Variants in PRKX observed in about 807,000 individuals in gnomAD.
PRKX encodes protein kinase cAMP-dependent X-linked catalytic subunit.
PRKX carries 12 observed loss-of-function variants against 22.0 expected under a neutral mutation model. That is an observed-to-expected ratio of 0.54 (90% confidence interval 0.35 to 0.88). The LOEUF (loss-of-function observed/expected upper bound fraction) is 0.88. Ranked by LOEUF, PRKX falls within the 40% of genes least tolerant of loss-of-function variation. PRKX has a pLI of 0.01. For synonymous variants in PRKX, 134 were observed against 137.7 expected (o/e 0.97, Z 0.19); for missense variants, 217 against 308.0 (o/e 0.70, Z 2.21).
chrX:3,605,750 G>T lies in PRKX; in HGVS notation c.*3219C>A, dbSNP rs879089901. The stretch of plus-strand genomic sequence containing the variant: ...ATGGGAAATTCAGTAACAAGTGATT[G>T]TGCAGTTGTTTGATGGGCATGGAGA... On this transcript the variant is annotated 3_prime_UTR_variant, in exon 9 of 9. Transcript: ENST00000262848. 1 of 112,297 alleles carries T rather than the reference G, an allele frequency of 8.9e-6. No individual in the cohort carries two copies. The highest frequency in any genetic ancestry group is 3.2e-5 in the African/African-American group (1 of 30,891). 9.3% of individuals were successfully genotyped at this position (112,297 alleles called of 1,213,427 possible).
At chrX:3,610,551 T>C (rs892759936) in intron 8 of PRKX, among the ~76,000 whole-genome samples, 3 of 110,923 alleles carry the variant, frequency 2.7e-5, no homozygotes, top group Non-Finnish European at 5.7e-5. Flanking sequence ...TGATTCCACT[T>C]AGCAAAAATA....
At position 3,621,294 on chromosome X, in the gene PRKX, C is replaced by T. The variant is rs1305783160; in HGVS notation, c.838G>A (p.Val280Met). The T allele has an allele frequency of 8.3e-7, 1 of 1,206,555 alleles. No individual in the cohort carries two copies. The highest frequency in any genetic ancestry group is 1.1e-6 in the Non-Finnish European group (1 of 893,125). Reference protein sequence around the residue: ...HVKDLIKKLLVVDRTRRLGNM... With the variant: ...HVKDLIKKLLMVDRTRRLGNM... ...CCTAATCGCCTTGTTCTGTCAACCA[C>T]GAGCAGTTTCTTAATGAGGTCTCTA... Residue 280 changes from valine to methionine, a missense_variant, in exon 6 of 9, where the codon GTG becomes ATG. Transcript: ENST00000262848.
chrX:3,684,679 C>T (rs7060416), intron 1 of PRKX, among the ~76,000 whole-genome samples: 2 of 110,908 alleles, frequency 1.8e-5, no homozygotes, highest in Non-Finnish European at 3.8e-5. Context: ...GGCTGGAAGT[C>T]GGAGACCCAG....
chrX:3,669,629 A>G (rs1001308385), intron 2 of PRKX, among the ~76,000 whole-genome samples: 1 of 112,053 alleles, frequency 8.9e-6, no homozygotes, highest in Non-Finnish European at 1.9e-5. Context: ...CTCTGCCTAC[A>G]TGCAATCGGT....
At chrX:3,630,432 C>A (rs7884528) in intron 4 of PRKX, among the ~76,000 whole-genome samples, 45,890 of 109,683 alleles carry the variant, frequency 0.42, 7,123 homozygotes, top group African/African-American at 0.52. Context: ...TGGTGGCGGG[C>A]GCCTGTAATC....
intron 1 of PRKX, among the ~76,000 whole-genome samples, chrX:3,711,727 C>G (rs1348187891): frequency 1.8e-5 from 2 of 110,114 alleles, no homozygotes; most frequent in African/African-American, 6.6e-5. Flanking sequence ...CCGGGGGGAC[C>G]AAGACAAGGG....
chrX:3,684,166 C>T (rs746190665), intron 1 of PRKX, among the ~76,000 whole-genome samples: 19 of 110,455 alleles, frequency 1.7e-4, no homozygotes, highest in African/African-American at 3.6e-4. Flanking sequence ...ACAGGAGAAT[C>T]GCTTGAACCC....
intron 1 of PRKX, among the ~76,000 whole-genome samples, chrX:3,682,134 G>A (rs1323571332): frequency 3.6e-5 from 4 of 110,634 alleles, no homozygotes; most frequent in Non-Finnish European, 7.6e-5. Context: ...GATGGGGTCA[G>A]GAAGGTGACG....
At chrX:3,653,343 C>T (rs183486882) in intron 3 of PRKX, among the ~76,000 whole-genome samples, 58 of 110,015 alleles carry the variant, frequency 5.3e-4, no homozygotes, top group African/African-American at 1.6e-3. Flanking sequence ...TGTCGCACCT[C>T]GATCTCGGAC....
intron 2 of PRKX, among the ~76,000 whole-genome samples, chrX:3,668,890 G>T (rs975574280): frequency 1.8e-5 from 2 of 112,641 alleles, no homozygotes; most frequent in Admixed American, 9.4e-5. Context: ...GCTACAGTGG[G>T]TGTCAATGGA....
intron 2 of PRKX, among the ~76,000 whole-genome samples, chrX:3,664,981 T>C (rs776161794): frequency 1.8e-5 from 2 of 112,224 alleles, no homozygotes; most frequent in South Asian, 3.6e-4. Flanking sequence ...AACAACACAA[T>C]AATAATACAA....
intron 1 of PRKX, among the ~76,000 whole-genome samples, chrX:3,681,374 G>A (rs1472455030): frequency 9.2e-6 from 1 of 108,896 alleles, no homozygotes; most frequent in Non-Finnish European, 1.9e-5. Context: ...GAAATAGGCC[G>A]GGCACAGTAG....
chrX:3,627,254 C>G (rs1320474912), intron 4 of PRKX, among the ~76,000 whole-genome samples: 2 of 108,885 alleles, frequency 1.8e-5, no homozygotes, highest in Admixed American at 9.9e-5. Context: ...TGGTGGCACG[C>G]GTCCGTAATC....
Position 3,632,302 on chromosome X carries a change from A to G in PRKX, c.720-5788T>C, listed in dbSNP as rs149378041. ...AAAAACCACCCAGGCCAGGCTGGGAAGCAGAGCTCTGAGTACAGACACTCA... is the reference window on the plus strand; with the variant it reads ...AAAAACCACCCAGGCCAGGCTGGGAGGCAGAGCTCTGAGTACAGACACTCA... On this transcript the variant is annotated intron_variant, in intron 4 of 8. Transcript: ENST00000262848. Among the ~76,000 whole-genome samples the G allele has an allele frequency of 5.8e-3, 644 of 111,421 alleles. 1 individual carries two copies. The highest frequency in any genetic ancestry group is 0.02 in the African/African-American group (609 of 30,667).
At chrX:3,641,330 C>T (rs1490821898) in intron 4 of PRKX, 2 of 114,237 alleles carry the variant, frequency 1.8e-5, no homozygotes, top group African/African-American at 6.5e-5. Context: ...AACCACTGAA[C>T]TGTATTTGGC....
At chrX:3,631,116 T>C (rs1926771737) in intron 4 of PRKX, among the ~76,000 whole-genome samples, 1 of 112,135 alleles carries the variant, frequency 8.9e-6, no homozygotes, top group Non-Finnish European at 1.9e-5. Flanking sequence ...TTATCAGAAA[T>C]GTCCATGAGC....
At chrX:3,688,872 TA>T (rs745658329) in intron 1 of PRKX, among the ~76,000 whole-genome samples, 3,425 of 90,787 alleles carry the variant, frequency 0.038, 141 homozygotes, top group African/African-American at 0.12. Flanking sequence ...CCCATCTGTT[TA>T]AAAAAAAAAA....
intron 1 of PRKX, among the ~76,000 whole-genome samples, chrX:3,675,767 G>C (rs1042168250): frequency 9.0e-6 from 1 of 111,230 alleles, no homozygotes; most frequent in African/African-American, 3.3e-5. Flanking sequence ...GTGTGCACGT[G>C]TTCACGCACA....
intron 3 of PRKX, among the ~76,000 whole-genome samples, chrX:3,646,632 T>C (rs1259472720): frequency 1.8e-5 from 2 of 111,740 alleles, no homozygotes; most frequent in Admixed American, 9.5e-5. Context: ...CCTTTTCTTA[T>C]AGGATCTTGG....
Sources: allele counts gnomAD v4.1 joint callset (sites outside exome capture counted in the v4.1 genomes callset), GRCh38; gene constraint gnomAD v4.1.1; transcripts MANE v1.5; gene names NCBI Gene and HGNC (gene_info 2026-07-23, HGNC 2026-07-21).